ADAMTS12: variants seen among roughly 807,000 people sequenced by gnomAD.
ADAMTS12 encodes the protein A disintegrin and metalloproteinase with thrombospondin motifs 12.
ADAMTS12 carries 118 observed loss-of-function variants against 167.8 expected under a neutral mutation model. That is an observed-to-expected ratio of 0.70 (90% confidence interval 0.61 to 0.82). The LOEUF (loss-of-function observed/expected upper bound fraction) is 0.82. Ranked by LOEUF, ADAMTS12 falls within the 40% of genes least tolerant of loss-of-function variation. ADAMTS12 has a pLI of 0.00. For missense variants in ADAMTS12, 1,916 were observed against 1,998.8 expected (o/e 0.96, Z 0.79); for synonymous variants, 704 against 716.9 (o/e 0.98, Z 0.29).
intron 19 of ADAMTS12, 76 bp downstream of exon 19, chr5:33,575,978 T>C: frequency 6.6e-7 from 1 of 1,523,448 alleles, no homozygotes; most frequent in Non-Finnish European, 8.8e-7. Flanking sequence ...CAAACTCATT[T>C]TGAAATTTTC....
At chr5:33,778,971 T>C (rs2112437952) in intron 2 of ADAMTS12, among the ~76,000 whole-genome samples, 1 of 152,188 alleles carries the variant, frequency 6.6e-6, no homozygotes, top group South Asian at 2.1e-4. Flanking sequence ...TCATACCTGT[T>C]AGAATGGCTA....
chr5:33,590,841 A>T (rs1747595739), intron 17 of ADAMTS12, among the ~76,000 whole-genome samples: 1 of 151,648 alleles, frequency 6.6e-6, no homozygotes, highest in South Asian at 2.1e-4. Flanking sequence ...CACAAAATGG[A>T]CTAAAACAGC....
intron 2 of ADAMTS12, among the ~76,000 whole-genome samples, chr5:33,851,260 A>C (rs1393575100): frequency 6.6e-6 from 1 of 152,054 alleles, no homozygotes; most frequent in East Asian, 1.9e-4. Context: ...AAAATACAAA[A>C]AATTAACCAG....
chr5:33,596,549 G>C (rs777257250), intron 16 of ADAMTS12, among the ~76,000 whole-genome samples: 2 of 152,182 alleles, frequency 1.3e-5, no homozygotes, highest in Non-Finnish European at 2.9e-5. Context: ...GGGTGTGTTG[G>C]TGGGCTCCTG....
At chr5:33,778,726 A>G (rs2112437588) in intron 2 of ADAMTS12, among the ~76,000 whole-genome samples, 1 of 152,296 alleles carries the variant, frequency 6.6e-6, no homozygotes, top group South Asian at 2.1e-4. Context: ...TCAACAGAGT[A>G]AACAGACAAC....
At chr5:33,646,285 C>G (rs142468351) in intron 9 of ADAMTS12, among the ~76,000 whole-genome samples, 2 of 151,890 alleles carry the variant, frequency 1.3e-5, no homozygotes, top group African/African-American at 4.8e-5. Flanking sequence ...TAAGGAAACC[C>G]CCTAAAGGCT....
chr5:33,618,905 G>C (rs1222484361), intron 14 of ADAMTS12, among the ~76,000 whole-genome samples: 3 of 152,164 alleles, frequency 2.0e-5, no homozygotes, highest in Non-Finnish European at 4.4e-5. Context: ...AATCCTTCCA[G>C]ACTTTCATGA....
chr5:33,730,166 C>A lies in ADAMTS12; in HGVS notation c.634+21238G>T, dbSNP rs139256911. 2.7e-3 allele frequency among the ~76,000 whole-genome samples: 408 copies of A among 152,274 alleles called. 4 individuals carry two copies. The highest frequency in any genetic ancestry group is 9.3e-3 in the African/African-American group (385 of 41,554). On this transcript the variant is annotated intron_variant, in intron 3 of 23. Transcript: ENST00000504830. ...GATCAAATATGAAATCTGAATCTTT[C>A]TGTGTGATATGGGATTAGACACAGT...
chr5:33,749,083 T>C lies in ADAMTS12; in HGVS notation c.634+2321A>G, dbSNP rs115048052. 7.2e-3 allele frequency among the ~76,000 whole-genome samples: 1,100 copies of C among 152,318 alleles called. 12 individuals are homozygous for C. The highest frequency in any genetic ancestry group is 0.023 in the African/African-American group (976 of 41,562). On this transcript the variant is annotated intron_variant, in intron 3 of 23. Transcript: ENST00000504830. ...CTTTTTTCTTTCCATGAGTGACATATATATTAGACACTAATATACTCTAGT... is the reference window on the plus strand; with the variant it reads ...CTTTTTTCTTTCCATGAGTGACATACATATTAGACACTAATATACTCTAGT...
At chr5:33,678,613 C>G (rs1172569550) in intron 5 of ADAMTS12, among the ~76,000 whole-genome samples, 1 of 152,112 alleles carries the variant, frequency 6.6e-6, no homozygotes, top group African/African-American at 2.4e-5. Context: ...AACAACAAGA[C>G]CAGAGGCAGG....
intron 11 of ADAMTS12, among the ~76,000 whole-genome samples, chr5:33,639,518 G>C (rs1740358372): frequency 6.6e-6 from 1 of 152,190 alleles, no homozygotes; most frequent in South Asian, 2.1e-4. Flanking sequence ...AGGACGACTG[G>C]AAAGTCCTTC....
intron 3 of ADAMTS12, among the ~76,000 whole-genome samples, chr5:33,749,991 C>T (rs1744921111): frequency 6.6e-6 from 1 of 152,216 alleles, no homozygotes. Flanking sequence ...CTTTCTCCAC[C>T]GTATTGATGT....
intron 5 of ADAMTS12, among the ~76,000 whole-genome samples, chr5:33,673,405 C>T (rs10070635): frequency 0.91 from 137,862 of 152,124 alleles, 63,156 homozygotes; most frequent in Admixed American, 0.96. Context: ...CTTTAACCTG[C>T]GATTCCTTCT....
intron 1 of ADAMTS12, among the ~76,000 whole-genome samples, chr5:33,883,335 T>G (rs1210315723): frequency 2.5e-4 from 37 of 149,274 alleles, no homozygotes; most frequent in African/African-American, 8.7e-4. Flanking sequence ...TTGTTTTTTT[T>G]TTTTTTGTTT....
intron 2 of ADAMTS12, among the ~76,000 whole-genome samples, chr5:33,808,902 G>C (rs1194980722): frequency 6.6e-6 from 1 of 152,154 alleles, no homozygotes; most frequent in African/African-American, 2.4e-5. Context: ...TTGACCCTCT[G>C]TTTCCTGTGT....
intron 5 of ADAMTS12, among the ~76,000 whole-genome samples, chr5:33,663,943 TAACAA>T (rs1707991659): frequency 1.3e-5 from 2 of 152,196 alleles, no homozygotes; most frequent in African/African-American, 4.8e-5. Context: ...AGGTATAAAT[TAACAA>T]AACATATACA....
At chr5:33,811,733 T>C (rs998992696) in intron 2 of ADAMTS12, among the ~76,000 whole-genome samples, 2 of 152,210 alleles carry the variant, frequency 1.3e-5, no homozygotes, top group African/African-American at 4.8e-5. Context: ...TGAGTGGACA[T>C]CTGACTGTGG....
At chr5:33,827,496 T>C (rs1748123464) in intron 2 of ADAMTS12, among the ~76,000 whole-genome samples, 1 of 152,130 alleles carries the variant, frequency 6.6e-6, no homozygotes, top group Non-Finnish European at 1.5e-5. Flanking sequence ...GCCTACGGAA[T>C]TGTAAGCTAA....
chr5:33,731,529 A>C (rs1339423993), intron 3 of ADAMTS12, among the ~76,000 whole-genome samples: 3 of 152,276 alleles, frequency 2.0e-5, no homozygotes, highest in Non-Finnish European at 2.9e-5. Flanking sequence ...GGCAGCCAGC[A>C]GAGGCTGGGA....
Sources: allele counts gnomAD v4.1 joint callset (sites outside exome capture counted in the v4.1 genomes callset), GRCh38; gene constraint gnomAD v4.1.1; transcripts MANE v1.5; gene names NCBI Gene and HGNC (gene_info 2026-07-23, HGNC 2026-07-21).